The following PARD3 variants were observed in gnomAD, a reference collection of about 807,000 sequenced individuals.
PARD3 encodes the protein par-3 family cell polarity regulator.
PARD3 carries 75 observed loss-of-function variants against 155.4 expected under a neutral mutation model. The ratio of observed to expected loss-of-function variants is 0.48; its 90% CI spans 0.40 to 0.58. The LOEUF (loss-of-function observed/expected upper bound fraction) is 0.58. Ranked by LOEUF, PARD3 falls within the 20% of genes least tolerant of loss-of-function variation. PARD3 has a pLI of 0.00. For missense variants in PARD3, 1,642 were observed against 1,721.7 expected (o/e 0.95, Z 0.82); for synonymous variants, 576 against 610.5 (o/e 0.94, Z 0.83).
chr10:34,199,277 A>G lies in PARD3; in HGVS notation c.3420-67694T>C, dbSNP rs565017116. 7.2e-5 allele frequency among the ~76,000 whole-genome samples: 11 copies of G among 152,314 alleles called. No individual in the cohort carries two copies. The South Asian group carries it at 2.3e-3, about 32-fold the overall frequency. On this transcript the variant is annotated intron_variant, in intron 22 of 24. Coordinates refer to ENST00000374788, the MANE Select transcript of PARD3 (RefSeq NM_001184785.2). Reference sequence around the variant, plus strand: ...GAGCATATCTTCCTGTCTCCTTGTCAGTCAATTCACAATTAACCTTGCTTG... The same window carrying G: ...GAGCATATCTTCCTGTCTCCTTGTCGGTCAATTCACAATTAACCTTGCTTG...
chr10:34,256,731 G>A (rs1954673243), intron 22 of PARD3, among the ~76,000 whole-genome samples: 1 of 143,132 alleles, frequency 7.0e-6, no homozygotes, highest in South Asian at 2.2e-4. Context: ...AACTGATACA[G>A]AAAATTCAGT....
Position 34,694,185 on chromosome 10 carries a change from CGAA to C in PARD3, c.222+2130_222+2132del, listed in dbSNP as rs942068347. 1.9e-4 allele frequency among the ~76,000 whole-genome samples: 29 copies of C among 150,902 alleles called. No individual in the cohort carries two copies. The Middle Eastern group carries it at 0.017, about 90-fold the overall frequency. Reference sequence around the variant, plus strand: ...AAAAAAGAAACAAAAAAAAGAAGGACGAAGAAGAAGGGAGAAGAGGAAGACATT... The same window carrying C: ...AAAAAAGAAACAAAAAAAAGAAGGACGAAGAAGGGAGAAGAGGAAGACATT... On this transcript the variant is annotated intron_variant, in intron 2 of 24. Transcript: ENST00000374788.
At chr10:34,539,884 C>T (rs2083481956) in intron 2 of PARD3, among the ~76,000 whole-genome samples, 2 of 152,208 alleles carry the variant, frequency 1.3e-5, no homozygotes, top group South Asian at 4.1e-4. Context: ...AAATCAGTCC[C>T]CACTCCTTCA....
At chr10:34,814,850 C>T in intron 1 of PARD3, 26 bp downstream of exon 1, 1 of 1,391,998 alleles carries the variant, frequency 7.2e-7, no homozygotes, top group Non-Finnish European at 9.8e-7. Flanking sequence ...GCCGCCCCCT[C>T]CCCGCCCGCG....
chr10:34,601,293 T>G, intron 2 of PARD3, among the ~76,000 whole-genome samples: 1 of 147,792 alleles, frequency 6.8e-6, no homozygotes. Flanking sequence ...AAGCAAAAAT[T>G]AGCACCAAGT....
At chr10:34,319,100 T>C (rs1589161546) in intron 19 of PARD3, among the ~76,000 whole-genome samples, 1 of 130,290 alleles carries the variant, frequency 7.7e-6, no homozygotes, top group South Asian at 2.6e-4. Context: ...TTTTTTTTTC[T>C]TCTTCTTGAG....
intron 2 of PARD3, among the ~76,000 whole-genome samples, chr10:34,650,173 A>G (rs1447364893): frequency 6.6e-6 from 1 of 152,196 alleles, no homozygotes; most frequent in Non-Finnish European, 1.5e-5. Flanking sequence ...CCAGTAACAG[A>G]GTCAAAGATT....
At chr10:34,356,557 G>C (rs1352234348) in intron 14 of PARD3, among the ~76,000 whole-genome samples, 1 of 152,152 alleles carries the variant, frequency 6.6e-6, no homozygotes, top group Non-Finnish European at 1.5e-5. Context: ...GATTGGCAAA[G>C]ACTGGACTAT....
chr10:34,518,369 CTCCAG>C (rs1180172044), intron 2 of PARD3, among the ~76,000 whole-genome samples: 1 of 152,162 alleles, frequency 6.6e-6, no homozygotes, highest in East Asian at 1.9e-4. Flanking sequence ...TAATACCATT[CTCCAG>C]TTAATGAACA....
At chr10:34,355,614 G>A (rs1163903426) in intron 14 of PARD3, among the ~76,000 whole-genome samples, 1 of 152,026 alleles carries the variant, frequency 6.6e-6, no homozygotes, top group African/African-American at 2.4e-5. Flanking sequence ...AGATCAGCTA[G>A]GGAGCAAGAG....
At chr10:34,644,075 T>G (rs1248809838) in intron 2 of PARD3, among the ~76,000 whole-genome samples, 1 of 152,200 alleles carries the variant, frequency 6.6e-6, no homozygotes, top group African/African-American at 2.4e-5. Flanking sequence ...TGCAAAATAC[T>G]ACAAAACTGT....
intron 2 of PARD3, among the ~76,000 whole-genome samples, chr10:34,688,390 C>T (rs530164739): frequency 1.8e-4 from 28 of 152,304 alleles, no homozygotes; most frequent in African/African-American, 6.7e-4. Context: ...ACACAAAATA[C>T]AGCTTGTCCA....
At chr10:34,413,150 C>T (rs941936531) in intron 5 of PARD3, among the ~76,000 whole-genome samples, 1 of 91,330 alleles carries the variant, frequency 1.1e-5, no homozygotes, top group Non-Finnish European at 2.8e-5. Flanking sequence ...TATATACACA[C>T]ACACACACAC....
chr10:34,311,780 G>A (rs572721600), intron 20 of PARD3, among the ~76,000 whole-genome samples: 13 of 152,146 alleles, frequency 8.5e-5, no homozygotes, highest in Non-Finnish European at 1.5e-4. Flanking sequence ...TCTAAACTCT[G>A]TAATCCACAA....
chr10:34,382,138 T>C (rs1001499484), intron 9 of PARD3, among the ~76,000 whole-genome samples: 3 of 151,644 alleles, frequency 2.0e-5, no homozygotes, highest in East Asian at 1.9e-4. Context: ...AAGTCCTCCT[T>C]GAGGGCTGGA....
At chr10:34,650,102 C>CA (rs2092960177) in intron 2 of PARD3, among the ~76,000 whole-genome samples, 1 of 151,954 alleles carries the variant, frequency 6.6e-6, no homozygotes, top group African/African-American at 2.4e-5. Context: ...TTACAACGGG[C>CA]TTTTTTTTAA....
At chr10:34,683,403 A>T (rs948553215) in intron 2 of PARD3, among the ~76,000 whole-genome samples, 3 of 151,676 alleles carry the variant, frequency 2.0e-5, no homozygotes, top group African/African-American at 4.8e-5. Flanking sequence ...AAACAAACAA[A>T]CAAAAAACTC....
chr10:34,448,796 C>G (rs1174824476), intron 5 of PARD3, among the ~76,000 whole-genome samples: 1 of 151,728 alleles, frequency 6.6e-6, no homozygotes, highest in African/African-American at 2.4e-5. Context: ...CAGAGCAAGA[C>G]CTTATCTCAA....
At chr10:34,654,855 T>C (rs2093121003) in intron 2 of PARD3, among the ~76,000 whole-genome samples, 1 of 152,198 alleles carries the variant, frequency 6.6e-6, no homozygotes, top group African/African-American at 2.4e-5. Flanking sequence ...TTTCTGACAT[T>C]GCCATCGCTC....
Sources: gnomAD v4.1 joint callset for allele counts (sites outside exome capture counted in the v4.1 genomes callset) on GRCh38, gnomAD v4.1.1 for gene constraint, MANE v1.5 for transcripts, NCBI Gene and HGNC (gene_info 2026-07-23, HGNC 2026-07-21) for gene names.